CSMD1: variants seen among roughly 807,000 people sequenced by gnomAD.
CSMD1 encodes the protein CUB and Sushi multiple domains 1.
A neutral mutation model predicts 417.5 loss-of-function variants in CSMD1; 213 were observed. The ratio of observed to expected loss-of-function variants is 0.51; its 90% CI spans 0.46 to 0.57. CSMD1 has a LOEUF of 0.57. Ranked by LOEUF, CSMD1 falls within the 20% of genes least tolerant of loss-of-function variation. CSMD1 has a pLI of 0.00. For synonymous variants in CSMD1, 2,862 were observed against 1,736.8 expected (o/e 1.65, Z -16.11); for missense variants, 6,923 against 4,529.7 (o/e 1.53, Z -15.17).
intron 5 of CSMD1, among the ~76,000 whole-genome samples, chr8:3,784,372 G>A (rs1271872558): frequency 6.6e-6 from 1 of 152,060 alleles, no homozygotes; most frequent in African/African-American, 2.4e-5. Context: ...AAAACAATGA[G>A]AAATCACACG....
rs201691414 is a variant in CSMD1, at chr8:4,770,450, A to AT, written c.86-132893dup. On this transcript the variant is annotated intron_variant, in intron 1 of 69. Coordinates refer to ENST00000635120, the MANE Select transcript of CSMD1 (RefSeq NM_033225.6). ...AAATCCCAATAGCATTCTTCACAGA[A>AT]TTTTTTTTTTAATTTCTAAAATGTG... Among the ~76,000 whole-genome samples, 210 of 149,142 alleles carry AT rather than the reference A, an allele frequency of 1.4e-3. 1 individual carries two copies. Among genetic ancestry groups the AT allele is most frequent in the Middle Eastern group, 0.011 (3 of 284 alleles).
At chr8:3,475,813 C>A (rs530967434) in intron 11 of CSMD1, among the ~76,000 whole-genome samples, 2 of 152,210 alleles carry the variant, frequency 1.3e-5, no homozygotes, top group African/African-American at 2.4e-5. Flanking sequence ...TCCTGCCTTA[C>A]AACTAGGGCA....
intron 3 of CSMD1, among the ~76,000 whole-genome samples, chr8:4,395,110 G>A (rs947758136): frequency 3.3e-5 from 5 of 152,150 alleles, no homozygotes; most frequent in East Asian, 1.9e-4. Flanking sequence ...TCCGCTGGGA[G>A]ACCCAGAGAG....
intron 2 of CSMD1, among the ~76,000 whole-genome samples, chr8:4,441,319 C>T (rs1460148571): frequency 6.8e-6 from 1 of 146,960 alleles, no homozygotes; most frequent in African/African-American, 2.5e-5. Context: ...CACTCTGCCC[C>T]CTAGGCTAGT....
intron 3 of CSMD1, among the ~76,000 whole-genome samples, chr8:4,065,855 C>G (rs553972436): frequency 8.9e-4 from 136 of 152,270 alleles, no homozygotes; most frequent in African/African-American, 3.1e-3. Context: ...CACACACACC[C>G]AAAGTTTTCC....
At chr8:4,337,290 C>A (rs1800227247) in intron 3 of CSMD1, among the ~76,000 whole-genome samples, 1 of 152,082 alleles carries the variant, frequency 6.6e-6, no homozygotes. Context: ...TTCTGCTTGA[C>A]ATTTTTCTCT....
At chr8:4,135,912 A>T (rs1238103874) in intron 3 of CSMD1, among the ~76,000 whole-genome samples, 2 of 152,190 alleles carry the variant, frequency 1.3e-5, no homozygotes, top group African/African-American at 2.4e-5. Flanking sequence ...TTTATTTAGC[A>T]TATGTTAGTT....
At chr8:4,645,556 C>T (rs1267153218) in intron 1 of CSMD1, among the ~76,000 whole-genome samples, 3 of 150,048 alleles carry the variant, frequency 2.0e-5, no homozygotes, top group Non-Finnish European at 3.0e-5. Context: ...CATATTGCCT[C>T]ATGGATATGA....
chr8:4,073,923 A>G (rs1799689636), intron 3 of CSMD1, among the ~76,000 whole-genome samples: 1 of 152,148 alleles, frequency 6.6e-6, no homozygotes, highest in Non-Finnish European at 1.5e-5. Context: ...CTTAATCTAT[A>G]CAGACGGTTT....
chr8:4,138,659 T>G (rs975557196), intron 3 of CSMD1, among the ~76,000 whole-genome samples: 1 of 152,192 alleles, frequency 6.6e-6, no homozygotes, highest in Non-Finnish European at 1.5e-5. Context: ...CTTTTCAAAG[T>G]ATTATTTCTA....
chr8:4,615,052 G>T lies in CSMD1; in HGVS notation c.302+22290C>A, dbSNP rs114414701. Among the ~76,000 whole-genome samples the T allele has an allele frequency of 3.4e-3, 513 of 152,252 alleles. 7 individuals carry two copies. Among genetic ancestry groups the T allele is most frequent in the African/African-American group, 0.012 (481 of 41,552 alleles). On this transcript the variant is annotated intron_variant, in intron 2 of 69. Coordinates refer to ENST00000635120, the MANE Select transcript of CSMD1 (RefSeq NM_033225.6). ...TCACAGTTATTTTCAGATGAGAAAG[G>T]CTTCCTATTTGTCTCAGATCTACAA...
chr8:3,642,775 T>C (rs761212604), intron 7 of CSMD1, among the ~76,000 whole-genome samples: 6 of 152,080 alleles, frequency 3.9e-5, no homozygotes, highest in Non-Finnish European at 7.4e-5. Flanking sequence ...ATAAACGCAT[T>C]TCATGCAGAG....
At position 4,617,271 on chromosome 8, in the gene CSMD1, A is replaced by G. The variant is rs368329258; in HGVS notation, c.302+20071T>C. Among the ~76,000 whole-genome samples the G allele has an allele frequency of 6.6e-5, 10 of 152,300 alleles. 1 individual carries two copies. The highest frequency in any genetic ancestry group is 2.1e-4 in the South Asian group (1 of 4,826). On this transcript the variant is annotated intron_variant, in intron 2 of 69. Transcript: ENST00000635120. ...ATCTTTAAGAGCGATTACTTGCTTC[A>G]CCTTCTTTTGTTGGATAATGTCTAT... is the stretch of plus-strand genomic sequence containing the variant.
chr8:4,319,507 A>T (rs1252333183), intron 3 of CSMD1, among the ~76,000 whole-genome samples: 1 of 152,182 alleles, frequency 6.6e-6, no homozygotes, highest in African/African-American at 2.4e-5. Context: ...ATTTACTCTC[A>T]GAGCAGAAAA....
At chr8:4,613,193 C>G (rs1035796887) in intron 2 of CSMD1, among the ~76,000 whole-genome samples, 1 of 152,116 alleles carries the variant, frequency 6.6e-6, no homozygotes, top group Admixed American at 6.5e-5. Context: ...TAAATAATGT[C>G]CAGTTGGTAA....
chr8:4,500,759 T>C (rs1160943595), intron 2 of CSMD1, among the ~76,000 whole-genome samples: 5 of 152,150 alleles, frequency 3.3e-5, no homozygotes, highest in Non-Finnish European at 7.3e-5. Context: ...GAATGTGTGT[T>C]ATGTTTGGCA....
chr8:4,507,150 A>G (rs1468443833), intron 2 of CSMD1, among the ~76,000 whole-genome samples: 3 of 152,170 alleles, frequency 2.0e-5, no homozygotes, highest in Non-Finnish European at 4.4e-5. Flanking sequence ...ACATTCTTCC[A>G]TATTTCTGAA....
chr8:3,073,933 G>T lies in CSMD1; in HGVS notation c.7474+13164C>A, dbSNP rs73657556. 5.9e-3 allele frequency among the ~76,000 whole-genome samples: 893 copies of T among 152,116 alleles called. 9 individuals are homozygous for T. Among genetic ancestry groups the T allele is most frequent in the African/African-American group, 0.02 (837 of 41,506 alleles). ...GCAATTATAATGATTTCTTTTTATT[G>T]CAACATAAATTATTCCACACATAGA... is the stretch of plus-strand genomic sequence containing the variant. On this transcript the variant is annotated intron_variant, in intron 49 of 69. Transcript: ENST00000635120.
intron 3 of CSMD1, among the ~76,000 whole-genome samples, chr8:4,056,273 G>C (rs926601162): frequency 6.6e-6 from 1 of 151,586 alleles, no homozygotes; most frequent in Admixed American, 6.6e-5. Flanking sequence ...AGTAGAGATG[G>C]AGTTTCACCA....
Sources: gnomAD v4.1 joint callset for allele counts (sites outside exome capture counted in the v4.1 genomes callset) on GRCh38, gnomAD v4.1.1 for gene constraint, MANE v1.5 for transcripts, NCBI Gene and HGNC (gene_info 2026-07-23, HGNC 2026-07-21) for gene names.